The following ADARB2 variants were observed in gnomAD, a reference collection of about 807,000 sequenced individuals.
The protein encoded by ADARB2 is adenosine deaminase RNA specific B2 (inactive).
Under a neutral mutation model 62.2 loss-of-function variants are expected in ADARB2, and 25 were observed. That is an observed-to-expected ratio of 0.40 (90% CI 0.29 to 0.56). The LOEUF (loss-of-function observed/expected upper bound fraction) is 0.56. Among genes scored for constraint, ADARB2 ranks in the 20% least tolerant of loss-of-function variants. ADARB2 has a pLI of 0.43. For synonymous variants in ADARB2, 572 were observed against 500.8 expected, an observed-to-expected ratio of 1.14 and a Z score of -1.90; for missense variants, 1,071 against 1,077.4, an observed-to-expected ratio of 0.99 and a Z score of 0.08.
At chr10:1,674,831 G>A (rs1834440630) in intron 1 of ADARB2, among the ~76,000 whole-genome samples, 1 of 152,212 alleles carries the variant, frequency 6.6e-6, no homozygotes, top group Admixed American at 6.5e-5. Context: ...GACCTTTTCT[G>A]CTGTCTGCAA....
intron 1 of ADARB2, among the ~76,000 whole-genome samples, chr10:1,600,610 C>T (rs777516798): frequency 1.0e-4 from 13 of 126,894 alleles, no homozygotes; most frequent in East Asian, 2.4e-4. Context: ...TGCAATGAGC[C>T]GAAATTGCAT....
chr10:1,469,093 T>A (rs770105430), intron 1 of ADARB2, among the ~76,000 whole-genome samples: 16 of 152,194 alleles, frequency 1.1e-4, no homozygotes, highest in Non-Finnish European at 2.2e-4. Flanking sequence ...GGCCCCCAGA[T>A]GCATCCATTT....
chr10:1,346,107 C>T (rs11250435), intron 3 of ADARB2, among the ~76,000 whole-genome samples: 5,452 of 152,250 alleles, frequency 0.036, 124 homozygotes, highest in Middle Eastern at 0.065. Context: ...TTGTTCTGTT[C>T]GCCTTTAATT....
chr10:1,330,376 G>A (rs565155517), intron 3 of ADARB2, among the ~76,000 whole-genome samples: 1 of 152,314 alleles, frequency 6.6e-6, no homozygotes, highest in South Asian at 2.1e-4. Context: ...CTCATTTATA[G>A]AGGATCTATA....
chr10:1,362,543 C>G (rs1209037105), intron 3 of ADARB2, among the ~76,000 whole-genome samples: 1 of 152,146 alleles, frequency 6.6e-6, no homozygotes, highest in Admixed American at 6.5e-5. Context: ...GCCCAGCTCC[C>G]CACTCTCGCT....
chr10:1,569,128 CAA>C (rs922890406), intron 1 of ADARB2, among the ~76,000 whole-genome samples: 6 of 133,448 alleles, frequency 4.5e-5, no homozygotes, highest in African/African-American at 1.4e-4. Flanking sequence ...GAGACAGAGA[CAA>C]AGAGAGAGAC....
chr10:1,490,690 A>C (rs1169253798), intron 1 of ADARB2, among the ~76,000 whole-genome samples: 3 of 152,156 alleles, frequency 2.0e-5, no homozygotes, highest in African/African-American at 7.2e-5. Flanking sequence ...CCTGACCTCA[A>C]GTGATCTGCT....
chr10:1,577,649 G>A (rs974441994), intron 1 of ADARB2, among the ~76,000 whole-genome samples: 1 of 152,128 alleles, frequency 6.6e-6, no homozygotes, highest in Non-Finnish European at 1.5e-5. Flanking sequence ...GGGGACGGTG[G>A]GAAAGGACGG....
At chr10:1,365,697 C>G (rs980076810) in intron 2 of ADARB2, among the ~76,000 whole-genome samples, 5 of 152,202 alleles carry the variant, frequency 3.3e-5, no homozygotes, top group African/African-American at 1.2e-4. Context: ...CTTTGGAAAG[C>G]ATTTTGGGAG....
chr10:1,714,913 A>C (rs1834998356), intron 1 of ADARB2, among the ~76,000 whole-genome samples: 1 of 152,142 alleles, frequency 6.6e-6, no homozygotes, highest in African/African-American at 2.4e-5. Flanking sequence ...CAGGTTTGTT[A>C]CATACGTATA....
At chr10:1,479,179 T>G (rs1316269676) in intron 1 of ADARB2, among the ~76,000 whole-genome samples, 1 of 152,104 alleles carries the variant, frequency 6.6e-6, no homozygotes, top group Non-Finnish European at 1.5e-5. Flanking sequence ...AGAGTCCAAT[T>G]CTTAAGGCAG....
At chr10:1,656,126 T>C (rs1396951735) in intron 1 of ADARB2, among the ~76,000 whole-genome samples, 1 of 152,258 alleles carries the variant, frequency 6.6e-6, no homozygotes, top group Non-Finnish European at 1.5e-5. Context: ...GGGATATTTT[T>C]CTTACTCCCC....
At chr10:1,252,130 T>G (rs1831042523) in intron 4 of ADARB2, among the ~76,000 whole-genome samples, 1 of 152,248 alleles carries the variant, frequency 6.6e-6, no homozygotes, top group South Asian at 2.1e-4. Context: ...TAAGTCATTC[T>G]CAGCCTGTTC....
At chr10:1,329,665 C>T (rs1048785745) in intron 3 of ADARB2, among the ~76,000 whole-genome samples, 3 of 152,234 alleles carry the variant, frequency 2.0e-5, no homozygotes, top group Non-Finnish European at 2.9e-5. Flanking sequence ...CTCCGCCTCC[C>T]TGATGGCTGC....
At chr10:1,680,679 A>G (rs890958258) in intron 1 of ADARB2, among the ~76,000 whole-genome samples, 1 of 152,150 alleles carries the variant, frequency 6.6e-6, no homozygotes, top group Non-Finnish European at 1.5e-5. Context: ...TCTGTCATTT[A>G]TTACCTCCTC....
intron 1 of ADARB2, among the ~76,000 whole-genome samples, chr10:1,566,783 T>C (rs535155250): frequency 6.6e-6 from 1 of 152,250 alleles, no homozygotes; most frequent in African/African-American, 2.4e-5. Flanking sequence ...CGATTTTAAC[T>C]GCAAAATTCC....
chr10:1,315,386 C>T lies in ADARB2; in HGVS notation c.1078-44317G>A, dbSNP rs534469136. 6.5e-4 allele frequency among the ~76,000 whole-genome samples: 99 copies of T among 152,366 alleles called. 1 individual carries two copies. Among genetic ancestry groups the T allele is most frequent in the Middle Eastern group, 3.4e-3 (1 of 294 alleles). ...GCACGGCTGAGTGAGCGCAAAGCGT[C>T]CTGAGCGTGGCGTTTGGCATGGCTG... On this transcript the variant is annotated intron_variant, in intron 3 of 9. Transcript: ENST00000381312.
intron 1 of ADARB2, among the ~76,000 whole-genome samples, chr10:1,587,836 T>C (rs1833199764): frequency 6.6e-6 from 1 of 152,134 alleles, no homozygotes; most frequent in Admixed American, 6.5e-5. Flanking sequence ...GTGAGCCTTA[T>C]GAGATCTAAT....
intron 8 of ADARB2, among the ~76,000 whole-genome samples, chr10:1,199,015 G>A (rs1836947601): frequency 6.6e-6 from 1 of 152,254 alleles, no homozygotes. Flanking sequence ...CGCAGAAAAA[G>A]AGTGCAGGAG....
Sources: gnomAD v4.1 joint callset for allele counts (sites outside exome capture counted in the v4.1 genomes callset) on GRCh38, gnomAD v4.1.1 for gene constraint, MANE v1.5 for transcripts, NCBI Gene and HGNC (gene_info 2026-07-23, HGNC 2026-07-21) for gene names.